POTEJ: variants seen among roughly 807,000 people sequenced by gnomAD.
POTEJ encodes the protein POTE ankyrin domain family member J.
Under a neutral mutation model 69.0 loss-of-function variants are expected in POTEJ, and 11 were observed. The observed-to-expected ratio is 0.16, with a 90% CI of 0.10 to 0.26. The LOEUF is 0.26. Ranked by LOEUF, POTEJ falls within the 10% of genes least tolerant of loss-of-function variation. The probability of loss-of-function intolerance (pLI) is 1.00; values close to 1 mark genes in which losing one functional copy is unlikely to be tolerated. For synonymous variants in POTEJ, 117 were observed against 381.1 expected (o/e 0.31, Z 8.07); for missense variants, 327 against 1,045.5 (o/e 0.31, Z 9.48).
In POTEJ at chr2:130,633,990, C is replaced by A. The variant is rs1204023838; in HGVS notation, c.1298+1334C>A. ...GCAGTTGTGTGATCATGGCTCACTG[C>A]AGTCTTGACTTTCTGAGCTCTAGTG... is the stretch of plus-strand genomic sequence containing the variant. On this transcript the variant is annotated intron_variant, in intron 9 of 14. Coordinates refer to ENST00000409602, the MANE Select transcript of POTEJ (RefSeq NM_001277083.2). Among the ~76,000 whole-genome samples the A allele has an allele frequency of 3.3e-5, 5 of 151,226 alleles. No homozygotes were observed. In the East Asian group the frequency reaches 9.6e-4, roughly 29 times the overall value.
chr2:130,640,528 T>A (rs1686310162), intron 10 of POTEJ, among the ~76,000 whole-genome samples: 1 of 151,760 alleles, frequency 6.6e-6, no homozygotes, highest in Non-Finnish European at 1.5e-5. Context: ...CCTGTCCCTC[T>A]TTCAGCTGTG....
At chr2:130,633,969 T>A (rs1685998734) in intron 9 of POTEJ, among the ~76,000 whole-genome samples, 1 of 151,192 alleles carries the variant, frequency 6.6e-6, no homozygotes, top group South Asian at 2.1e-4. Context: ...TGGAGTGCAG[T>A]TGTGTGATCA....
chr2:130,636,257 C>T (rs1220887253), intron 9 of POTEJ, among the ~76,000 whole-genome samples: 1 of 152,218 alleles, frequency 6.6e-6, no homozygotes, highest in African/African-American at 2.4e-5. Context: ...GGAACATCCA[C>T]TTTCTGAGGA....
At position 130,637,010 on chromosome 2, in the gene POTEJ, C is replaced by T. The variant is rs577361813; in HGVS notation, c.1299-1609C>T. Among the ~76,000 whole-genome samples the T allele has an allele frequency of 2.5e-3, 363 of 144,386 alleles. 6 individuals carry two copies. Among genetic ancestry groups the T allele is most frequent in the African/African-American group, 8.6e-3 (339 of 39,342 alleles). 94.7% of individuals were successfully genotyped at this position (144,386 alleles called of 152,430 possible). A position where few individuals can be genotyped will look rare whatever the true frequency, so the allele number is the denominator to read the frequency against. On this transcript the variant is annotated intron_variant, in intron 9 of 14. Coordinates refer to ENST00000409602, the MANE Select transcript of POTEJ (RefSeq NM_001277083.2). Reference sequence around the variant, plus strand: ...AGGAGAATGGCATGAACCCGGGAGGCGGAGCTTGCAGTGAGCCGAGATCGT... The same window carrying T: ...AGGAGAATGGCATGAACCCGGGAGGTGGAGCTTGCAGTGAGCCGAGATCGT...
At chr2:130,631,879 A>G (rs1050806613) in intron 8 of POTEJ, among the ~76,000 whole-genome samples, 4 of 143,494 alleles carry the variant, frequency 2.8e-5, no homozygotes, top group African/African-American at 1.1e-4. Flanking sequence ...CTTGCACGTC[A>G]GCAGTTTCAC....
chr2:130,627,167 C>A (rs1192431163), intron 6 of POTEJ, among the ~76,000 whole-genome samples: 2 of 151,828 alleles, frequency 1.3e-5, no homozygotes, highest in African/African-American at 2.4e-5. Context: ...GCAGGAATGA[C>A]TAATGTTTTT....
intron 10 of POTEJ, among the ~76,000 whole-genome samples, chr2:130,642,602 T>G (rs1686429392): frequency 6.7e-6 from 1 of 148,950 alleles, no homozygotes; most frequent in African/African-American, 2.5e-5. Flanking sequence ...ATTGAAATGA[T>G]CTATATCTAA....
intron 13 of POTEJ, among the ~76,000 whole-genome samples, chr2:130,650,114 C>T (rs1171261062): frequency 2.0e-4 from 30 of 152,266 alleles, no homozygotes; most frequent in African/African-American, 2.7e-4. Context: ...TGCTCTCTAA[C>T]GTAATTGAGG....
At chr2:130,637,867 T>C (rs1190962175) in intron 9 of POTEJ, among the ~76,000 whole-genome samples, 1 of 149,284 alleles carries the variant, frequency 6.7e-6, no homozygotes, top group African/African-American at 2.5e-5. Flanking sequence ...CCAAGTCAGG[T>C]CTTAACATCC....
intron 6 of POTEJ, among the ~76,000 whole-genome samples, chr2:130,629,492 CCCA>C (rs1685829093): frequency 7.1e-6 from 1 of 140,442 alleles, no homozygotes; most frequent in Non-Finnish European, 1.5e-5. Flanking sequence ...ATGTCTGGAG[CCCA>C]TACCTGTGGG....
At chr2:130,647,154 T>C (rs1382404298) in intron 13 of POTEJ, among the ~76,000 whole-genome samples, 3 of 150,842 alleles carry the variant, frequency 2.0e-5, no homozygotes, top group African/African-American at 7.5e-5. Context: ...AAAAATGAGG[T>C]TAGATGTAGG....
At chr2:130,634,049 C>T (rs1465859157) in intron 9 of POTEJ, among the ~76,000 whole-genome samples, 2 of 151,130 alleles carry the variant, frequency 1.3e-5, no homozygotes, top group African/African-American at 2.4e-5. Flanking sequence ...CTAGTTGGGA[C>T]CACAGGTGTG....
chr2:130,631,051 C>A (rs1573979939), intron 7 of POTEJ, among the ~76,000 whole-genome samples: 1 of 143,792 alleles, frequency 7.0e-6, no homozygotes, highest in Admixed American at 6.8e-5. Context: ...TACTACAAAT[C>A]ATCTGCTGAT....
Position 130,638,004 on chromosome 2 carries a change from T to A in POTEJ, c.1299-615T>A, listed in dbSNP as rs1429860060. Among the ~76,000 whole-genome samples, 44 of 147,894 alleles carry A rather than the reference T, an allele frequency of 3.0e-4. 1 individual carries two copies. The highest frequency in any genetic ancestry group is 6.8e-5 in the Admixed American group (1 of 14,778). On this transcript the variant is annotated intron_variant, in intron 9 of 14. Transcript: ENST00000409602. ...TATGACATAGTTGAGATGCCCTGAA[T>A]TAGAAGCCATAAAGAGTAGGACAGC...
intron 6 of POTEJ, among the ~76,000 whole-genome samples, chr2:130,628,006 G>A (rs1455784474): frequency 7.0e-6 from 1 of 142,614 alleles, no homozygotes; most frequent in Non-Finnish European, 1.5e-5. Flanking sequence ...TTGCTACATA[G>A]TATCATCTCA....
intron 13 of POTEJ, among the ~76,000 whole-genome samples, chr2:130,651,980 C>CCT (rs1553481486): frequency 7.5e-6 from 1 of 133,272 alleles, no homozygotes; most frequent in African/African-American, 3.5e-5. Context: ...GGATACCCCC[C>CCT]CCCAATAGTT....
At chr2:130,644,438 C>T (rs1339744659) in intron 11 of POTEJ, among the ~76,000 whole-genome samples, 1 of 152,004 alleles carries the variant, frequency 6.6e-6, no homozygotes, top group East Asian at 1.9e-4. Flanking sequence ...CACTACACTC[C>T]AGCCTGGGTG....
chr2:130,623,954 A>G lies in POTEJ; in HGVS notation c.945-110A>G, dbSNP rs1170646666. The G allele has an allele frequency of 1.6e-5, 16 of 1,021,458 alleles. 1 individual carries two copies. In the Admixed American group the frequency reaches 4.3e-4, roughly 27 times the overall value. The allele number at this position is 1,021,458 out of a possible 1,614,324, so 63.3% of individuals were successfully genotyped here. A position where few individuals can be genotyped will look rare whatever the true frequency, so the allele number is the denominator to read the frequency against. ...ATAAGTGGATGGGATAATACTATTA[A>G]GTTCTGATATTCTGATATTGTTTGA... is the stretch of plus-strand genomic sequence containing the variant. On this transcript the variant is annotated intron_variant, in intron 5 of 14. Coordinates refer to ENST00000409602, the MANE Select transcript of POTEJ (RefSeq NM_001277083.2).
At chr2:130,650,156 C>A (rs1227219689) in intron 13 of POTEJ, among the ~76,000 whole-genome samples, 1 of 152,280 alleles carries the variant, frequency 6.6e-6, no homozygotes, top group Admixed American at 6.5e-5. Flanking sequence ...GATTTATCAT[C>A]TCTAACTTCA....
Sources: gnomAD v4.1 joint callset for allele counts (sites outside exome capture counted in the v4.1 genomes callset) on GRCh38, gnomAD v4.1.1 for gene constraint, MANE v1.5 for transcripts, NCBI Gene and HGNC (gene_info 2026-07-23, HGNC 2026-07-21) for gene names.